Variants in TBX20 observed in about 807,000 individuals in gnomAD.
The protein encoded by TBX20 is T-box transcription factor 20.
TBX20 carries 8 observed loss-of-function variants against 42.9 expected under a neutral mutation model. The observed-to-expected ratio is 0.19, with a 90% CI of 0.11 to 0.34. TBX20 has a LOEUF of 0.34. Among genes scored for constraint, TBX20 ranks in the 10% least tolerant of loss-of-function variants. The probability of loss-of-function intolerance (pLI) is 1.00; values close to 1 mark genes in which losing one functional copy is unlikely to be tolerated. For missense variants in TBX20, 411 were observed against 566.0 expected (o/e 0.73, Z 2.78); for synonymous variants, 198 against 222.8 (o/e 0.89, Z 0.99).
chr7:35,247,515 G>A (rs190973546), intron 3 of TBX20, among the ~76,000 whole-genome samples: 5 of 152,048 alleles, frequency 3.3e-5, no homozygotes, highest in African/African-American at 1.2e-4. Flanking sequence ...CTCTTTTCTA[G>A]TGCACTTAGC....
chr7:35,233,046 T>C (rs1333847462), intron 5 of TBX20, among the ~76,000 whole-genome samples: 1 of 152,112 alleles, frequency 6.6e-6, no homozygotes, highest in Non-Finnish European at 1.5e-5. Context: ...GAAGAAATAC[T>C]CTTGCCAAAA....
At chr7:35,211,230 T>A (rs1367923252) in intron 6 of TBX20, among the ~76,000 whole-genome samples, 1 of 152,052 alleles carries the variant, frequency 6.6e-6, no homozygotes, top group Admixed American at 6.5e-5. Context: ...CCATTCTAAT[T>A]ATTATTATAT....
chr7:35,231,511 T>C lies in TBX20; in HGVS notation c.883A>G (p.Ile295Val). The C allele has an allele frequency of 1.2e-6, 2 of 1,612,718 alleles. No individual in the cohort carries two copies. The highest frequency in any genetic ancestry group is 3.3e-4 in the Middle Eastern group (2 of 6,056). Residue 295 changes from isoleucine (I) to valine (V), a missense_variant, in exon 6 of 8, where the codon ATT (isoleucine) becomes GTT (valine). Around this residue, in one of 5 missense-constraint regions of TBX20, gnomAD observed 162 missense variants for 205.4 expected, o/e 0.79. Transcript: ENST00000408931. ...GFRDSSRLTDIERESVESLIQ... is the reference protein window; with the variant it reads ...GFRDSSRLTDVERESVESLIQ... Reference sequence around the variant, plus strand: ...ACAGAAAATTCTCATTACCTCTCAATGTCAGTGAGCCTGGAGGAATCCCGG... The same window carrying C: ...ACAGAAAATTCTCATTACCTCTCAACGTCAGTGAGCCTGGAGGAATCCCGG...
intron 5 of TBX20, among the ~76,000 whole-genome samples, chr7:35,234,313 T>A (rs1183156898): frequency 6.6e-6 from 1 of 152,212 alleles, no homozygotes; most frequent in Non-Finnish European, 1.5e-5. Context: ...TTGTTCTTTT[T>A]TCAAAAGATA....
chr7:35,225,567 T>C (rs1789755861), intron 6 of TBX20, among the ~76,000 whole-genome samples: 2 of 152,162 alleles, frequency 1.3e-5, no homozygotes, highest in South Asian at 4.1e-4. Context: ...CCTAAGAACA[T>C]CTGTGCAGAA....
At chr7:35,217,073 T>A (rs1789603964) in intron 6 of TBX20, among the ~76,000 whole-genome samples, 1 of 152,156 alleles carries the variant, frequency 6.6e-6, no homozygotes, top group African/African-American at 2.4e-5. Context: ...TTAATTTTAA[T>A]TTGAGAACTG....
At chr7:35,229,511 A>T (rs1343510954) in intron 6 of TBX20, among the ~76,000 whole-genome samples, 1 of 152,240 alleles carries the variant, frequency 6.6e-6, no homozygotes, top group Non-Finnish European at 1.5e-5. Flanking sequence ...GTCATGTAAG[A>T]GTGCTGTCTT....
At chr7:35,253,061 T>C (rs1790335644) in intron 1 of TBX20, among the ~76,000 whole-genome samples, 1 of 152,224 alleles carries the variant, frequency 6.6e-6, no homozygotes, top group Admixed American at 6.5e-5. Context: ...CTCTGTTTTG[T>C]CTATTCAAGT....
At chr7:35,211,986 T>C (rs184516829) in intron 6 of TBX20, among the ~76,000 whole-genome samples, 97 of 152,286 alleles carry the variant, frequency 6.4e-4, no homozygotes, top group African/African-American at 2.2e-3. Context: ...TTTGAAAAAT[T>C]TTTAGATATT....
intron 3 of TBX20, among the ~76,000 whole-genome samples, chr7:35,246,859 C>A (rs4723406): frequency 0.35 from 53,723 of 151,736 alleles, 9,970 homozygotes; most frequent in Admixed American, 0.46. Context: ...CCATAATAAG[C>A]TAAACATTTT....
chr7:35,203,452 T>A (rs574376825), intron 7 of TBX20, among the ~76,000 whole-genome samples: 12 of 151,978 alleles, frequency 7.9e-5, no homozygotes, highest in African/African-American at 2.9e-4. Flanking sequence ...CAACTCAGTG[T>A]GAAGATGAGG....
intron 3 of TBX20, among the ~76,000 whole-genome samples, chr7:35,246,364 C>T (rs1790185562): frequency 1.3e-5 from 2 of 152,094 alleles, no homozygotes; most frequent in Non-Finnish European, 2.9e-5. Flanking sequence ...TACCATCCTT[C>T]CAAGACTGTA....
At position 35,202,503 on chromosome 7, in the gene TBX20, T is replaced by C. The variant is rs1789319067; in HGVS notation, c.1271A>G (p.Tyr424Cys). ...GGCAGCATAGGGCCCCTGCTGAAAA[T>C]AGTGATGGTATCGCGGCATGTGGAA... is the stretch of plus-strand genomic sequence containing the variant. ...PSFHMPRYHH[Y>C]FQQGPYAAIQ... Residue 424 changes from tyrosine to cysteine, a missense_variant, in exon 8 of 8, where the codon TAT (tyrosine) becomes TGT (cysteine). By Grantham distance (194) the Tyr-to-Cys change is radical (BLOSUM62 -2). Transcript: ENST00000408931. The C allele has an allele frequency of 6.2e-7, 1 of 1,609,224 alleles. No homozygotes were observed. The highest frequency in any genetic ancestry group is 8.5e-7 in the Non-Finnish European group (1 of 1,177,924).
intron 7 of TBX20, 135 bp downstream of exon 7, chr7:35,204,335 T>G: frequency 1.4e-6 from 1 of 720,460 alleles, no homozygotes; most frequent in Non-Finnish European, 2.6e-6. Context: ...GGGCTCTCCC[T>G]TCCCAAGGAG....
intron 6 of TBX20, among the ~76,000 whole-genome samples, chr7:35,210,114 CT>C (rs1254082002): frequency 0.26 from 33,010 of 127,206 alleles, 2,721 homozygotes; most frequent in Non-Finnish European, 0.3. Context: ...ATAATATTTT[CT>C]TTTTTTTTTT....
At chr7:35,239,716 T>C (rs897559610) in intron 5 of TBX20, among the ~76,000 whole-genome samples, 1 of 152,168 alleles carries the variant, frequency 6.6e-6, no homozygotes, top group Non-Finnish European at 1.5e-5. Flanking sequence ...ATAAGCCCTA[T>C]GGATGAAGAA....
intron 3 of TBX20, among the ~76,000 whole-genome samples, chr7:35,245,717 C>A (rs1427439012): frequency 2.0e-5 from 3 of 152,166 alleles, no homozygotes; most frequent in African/African-American, 2.4e-5. Flanking sequence ...TTAAAACAAG[C>A]TAGACACACT....
At chr7:35,204,834 A>G (rs1789374103) in intron 6 of TBX20, among the ~76,000 whole-genome samples, 1 of 152,228 alleles carries the variant, frequency 6.6e-6, no homozygotes, top group African/African-American at 2.4e-5. Flanking sequence ...GAAATACTTT[A>G]AAATGAAGGA....
rs1584359757 is a variant in TBX20, at chr7:35,249,850, A to G, written c.380+101T>C. ...TGGAGCCAAGCTGTCTCTCCGCTCC[A>G]TGACCAGCCAGCTCTCATCTAGTTC... On this transcript the variant is annotated intron_variant, in intron 2 of 7. Transcript: ENST00000408931. This position sits in a 1 kb window ranked among gnomAD's most constrained non-coding sequence, Gnocchi z 4.3. 3.7e-6 allele frequency: 5 copies of G among 1,369,294 alleles called. No individual in the cohort carries two copies. In the East Asian group the frequency reaches 9.4e-5, roughly 26 times the overall value. The allele number at this position is 1,369,294 out of a possible 1,614,324, so 84.8% of individuals were successfully genotyped here. A position where few individuals can be genotyped will look rare whatever the true frequency, so the allele number is the denominator to read the frequency against.
Sources: allele counts gnomAD v4.1 joint callset (sites outside exome capture counted in the v4.1 genomes callset), GRCh38; gene constraint gnomAD v4.1.1; regional missense constraint gnomAD v4.1.1; non-coding constraint Gnocchi (gnomAD v3.1); transcripts MANE v1.5; gene names NCBI Gene and HGNC (gene_info 2026-07-23, HGNC 2026-07-21).